SPTA1: variants seen among roughly 807,000 people sequenced by gnomAD.
SPTA1 encodes spectrin alpha, erythrocytic 1.
In SPTA1, 177 loss-of-function variants were observed where a neutral mutation model predicts 324.7. The observed-to-expected ratio is 0.55, with a 90% CI of 0.48 to 0.62. SPTA1 has a LOEUF of 0.62. Ranked by LOEUF, SPTA1 falls within the 20% of genes least tolerant of loss-of-function variation. SPTA1 has a pLI of 0.00. For synonymous variants in SPTA1, 1,195 were observed against 1,041.3 expected, an observed-to-expected ratio of 1.15 and a Z score of -2.84; for missense variants, 3,162 against 2,883.6, an observed-to-expected ratio of 1.10 and a Z score of -2.21.
At chr1:158,663,617 G>A (rs1007863196) in intron 16 of SPTA1, among the ~76,000 whole-genome samples, 2 of 152,112 alleles carry the variant, frequency 1.3e-5, no homozygotes, top group East Asian at 1.9e-4. Flanking sequence ...TATTAGTGAG[G>A]CAAACTATAC....
intron 21 of SPTA1, 133 bp from the exon 22 acceptor site, chr1:158,653,558 G>C (rs915462930): frequency 1.1e-5 from 14 of 1,217,974 alleles, no homozygotes; most frequent in Non-Finnish European, 1.4e-5. Flanking sequence ...CTAATGAGTG[G>C]CACATAATTT....
chr1:158,635,732 C>A (rs188592994), intron 38 of SPTA1, among the ~76,000 whole-genome samples, 181 bp downstream of exon 38: 167 of 152,260 alleles, frequency 1.1e-3, no homozygotes, highest in Admixed American at 2.2e-3. Flanking sequence ...CAGTGATCAT[C>A]GTGTCTGGGG....
At chr1:158,637,958 C>G in intron 36 of SPTA1, 75 bp downstream of exon 36, 1 of 1,492,846 alleles carries the variant, frequency 6.7e-7, no homozygotes, top group Non-Finnish European at 9.3e-7. Flanking sequence ...TTCATTTCAG[C>G]ATAAATTGGA....
chr1:158,627,065 C>T, intron 40 of SPTA1, 58 bp from the exon 41 acceptor site: 1 of 1,597,652 alleles, frequency 6.3e-7, no homozygotes, highest in East Asian at 2.2e-5. Flanking sequence ...AATGTGAATC[C>T]ATTAGTACCA....
chr1:158,641,612 A>G (rs946135884), intron 33 of SPTA1, among the ~76,000 whole-genome samples: 3 of 152,238 alleles, frequency 2.0e-5, no homozygotes, highest in African/African-American at 7.2e-5. Context: ...ACAATGAGAT[A>G]CCATCTCACA....
In SPTA1 at chr1:158,611,404, AAG is replaced by A. The variant is rs1226344327; in HGVS notation, c.7135-17_7135-16del. 8.7e-6 allele frequency: 14 copies of A among 1,613,146 alleles called. No homozygotes were observed. The highest frequency in any genetic ancestry group is 1.1e-5 in the Non-Finnish European group (13 of 1,179,370). On this transcript the variant is annotated splice_polypyrimidine_tract_variant and intron_variant, in intron 51 of 51. Coordinates refer to ENST00000643759, the MANE Select transcript of SPTA1 (RefSeq NM_003126.4). ...GGGGTAAGGGCCTGAAAAGTATAAA[AAG>A]AGAAAAATACAGTTATAGGGATTCA...
Position 158,638,236 on chromosome 1 carries a change from T to C in SPTA1, c.4986A>G (p.Ala1662=). 1 of 1,611,778 alleles carries C rather than the reference T, an allele frequency of 6.2e-7. No homozygotes were observed. Residue 1662 remains alanine (A), a synonymous_variant, in exon 36 of 52, where the codon GCA becomes GCG. Transcript: ENST00000643759. ...LEREMLARED[A]LKDLNTLAED... is the part of the protein sequence containing the mutation. ...CAGCCAATGTATTCAGGTCCTTGAG[T>C]GCATCCTAGAAAGTCTCGGGATACT...
At position 158,653,303 on chromosome 1, in the gene SPTA1, G is replaced by T; in HGVS notation, c.3159C>A (p.Ile1053=). Reference sequence around the variant, plus strand: ...TCTCAATCTGCTCCTGGCGCTGGGTGATGTTTCCTGGCTCTTCTCGTCGCC... The same window carrying T: ...TCTCAATCTGCTCCTGGCGCTGGGTTATGTTTCCTGGCTCTTCTCGTCGCC... ...PQRRREEPGN[I]TQRQEQIENQ... is the part of the protein sequence containing the mutation. Residue 1053 remains isoleucine, a synonymous_variant, in exon 22 of 52, where the codon ATC becomes ATA. Transcript: ENST00000643759. The T allele has an allele frequency of 6.2e-7, 1 of 1,614,152 alleles. No homozygotes were observed. Among genetic ancestry groups the T allele is most frequent in the Non-Finnish European group, 8.5e-7 (1 of 1,180,020 alleles).
At chr1:158,679,060 G>A (rs1271613141) in intron 5 of SPTA1, among the ~76,000 whole-genome samples, 1 of 151,908 alleles carries the variant, frequency 6.6e-6, no homozygotes, top group African/African-American at 2.4e-5. Context: ...ATCCAAAGTA[G>A]TGAGATCTGT....
chr1:158,649,892 A>C lies in SPTA1; in HGVS notation c.3533T>G (p.Leu1178Arg). Residue 1178 changes from leucine (L) to arginine (R), a missense_variant, in exon 25 of 52, where the codon CTG (leucine) becomes CGG (arginine). Leu to Arg is a moderately radical substitution (Grantham distance 102). Coordinates refer to ENST00000643759, the MANE Select transcript of SPTA1 (RefSeq NM_003126.4). ...TTCAACAGCATGGGCACTGCCCAGC[A>C]GCTGCCGCTGTTCATCTGCAAGCCT... ...LQRLADEQRQ[L>R]LGSAHAVEVF... 1 of 1,613,868 alleles carries C rather than the reference A, an allele frequency of 6.2e-7. No individual in the cohort carries two copies. The highest frequency in any genetic ancestry group is 1.7e-4 in the Middle Eastern group (1 of 6,060).
rs775124412 is a variant in SPTA1 at position 158,657,461 on chromosome 1, C to T, written c.2805+16G>A. 6.2e-6 allele frequency: 8 copies of T among 1,295,270 alleles called. No individual in the cohort carries two copies. Among genetic ancestry groups the T allele is most frequent in the Admixed American group, 3.4e-5 (2 of 59,262 alleles). 80.2% of individuals were successfully genotyped at this position (1,295,270 alleles called of 1,614,324 possible). Reference sequence around the variant, plus strand: ...TTTGTTGAGGATTCACAATGTTAAACCCACCCCCACCTTACCCCAGCTGCT... The same window carrying T: ...TTTGTTGAGGATTCACAATGTTAAATCCACCCCCACCTTACCCCAGCTGCT... On this transcript the variant is annotated intron_variant, in intron 19 of 51. Coordinates refer to ENST00000643759, the MANE Select transcript of SPTA1 (RefSeq NM_003126.4).
chr1:158,663,677 G>A (rs751531144), intron 16 of SPTA1, among the ~76,000 whole-genome samples: 6 of 152,020 alleles, frequency 3.9e-5, no homozygotes, highest in South Asian at 2.1e-4. Context: ...TTTTTTTCTC[G>A]TTTGTTCATT....
At chr1:158,680,067 A>G (rs943627336) in intron 5 of SPTA1, among the ~76,000 whole-genome samples, 1 of 152,204 alleles carries the variant, frequency 6.6e-6, no homozygotes, top group African/African-American at 2.4e-5. Context: ...ATATATATAT[A>G]CACATCACAA....
chr1:158,665,915 A>G (rs1653561460), intron 16 of SPTA1, among the ~76,000 whole-genome samples: 1 of 152,184 alleles, frequency 6.6e-6, no homozygotes, highest in South Asian at 2.1e-4. Flanking sequence ...GTAAGCCACA[A>G]GGATGTATAT....
intron 39 of SPTA1, among the ~76,000 whole-genome samples, chr1:158,630,098 A>G (rs1650574072): frequency 6.6e-6 from 1 of 151,972 alleles, no homozygotes; most frequent in African/African-American, 2.4e-5. Flanking sequence ...AGGTCAATGA[A>G]ATCCCTATTA....
At chr1:158,686,328 G>A (rs995089937) in intron 1 of SPTA1, among the ~76,000 whole-genome samples, 166 bp downstream of exon 1, 1 of 151,460 alleles carries the variant, frequency 6.6e-6, no homozygotes, top group South Asian at 2.1e-4. Context: ...ACAGACATAA[G>A]CTCAAGGTTA....
intron 16 of SPTA1, among the ~76,000 whole-genome samples, chr1:158,664,098 A>G (rs928893619): frequency 1.3e-5 from 2 of 152,194 alleles, no homozygotes; most frequent in Admixed American, 1.3e-4. Context: ...AATTAGTTCA[A>G]CCATTGTGGA....
chr1:158,652,744 A>G (rs548426238), intron 22 of SPTA1, 91 bp from the exon 23 acceptor site: 24 of 1,426,140 alleles, frequency 1.7e-5, no homozygotes, highest in South Asian at 6.0e-5. Flanking sequence ...AGAAGGAACA[A>G]AAATGAAAGG....
intron 39 of SPTA1, among the ~76,000 whole-genome samples, chr1:158,632,500 TAGAG>T (rs1267976901): frequency 1.1e-4 from 17 of 151,998 alleles, no homozygotes; most frequent in East Asian, 1.9e-4. Flanking sequence ...AATTAGAAAA[TAGAG>T]AGACATTTCA....
Sources: gnomAD v4.1 joint callset for allele counts (sites outside exome capture counted in the v4.1 genomes callset) on GRCh38, gnomAD v4.1.1 for gene constraint, MANE v1.5 for transcripts, NCBI Gene and HGNC (gene_info 2026-07-23, HGNC 2026-07-21) for gene names.